Variants in SEMA6A observed in about 807,000 individuals in gnomAD.
The protein encoded by SEMA6A is semaphorin 6A.
A neutral mutation model predicts 96.8 loss-of-function variants in SEMA6A; 25 were observed. The ratio of observed to expected loss-of-function variants is 0.26; its 90% confidence interval spans 0.19 to 0.36. The LOEUF (loss-of-function observed/expected upper bound fraction) is 0.36. Ranked by LOEUF, SEMA6A falls within the 10% of genes least tolerant of loss-of-function variation. SEMA6A has a pLI of 1.00. For missense variants in SEMA6A, 1,363 were observed against 1,323.1 expected, an observed-to-expected ratio of 1.03 and a Z score of -0.47; for synonymous variants, 612 against 518.0, an observed-to-expected ratio of 1.18 and a Z score of -2.46.
intron 1 of SEMA6A, among the ~76,000 whole-genome samples, chr5:116,526,748 A>G (rs904730991): frequency 2.0e-5 from 3 of 152,188 alleles, no homozygotes; most frequent in Non-Finnish European, 4.4e-5. Context: ...GTGCTAGCTC[A>G]AAACTCCTGT....
Position 116,482,411 on chromosome 5 carries a change from G to T in SEMA6A, c.1094+33C>A. On this transcript the variant is annotated intron_variant, in intron 11 of 18. Coordinates refer to ENST00000343348, the MANE Select transcript of SEMA6A (RefSeq NM_020796.5). Reference sequence around the variant, plus strand: ...AGGTGCAAGCTTTGCCATTTCTAAAGTTTAAAATAGCCATATGAATATTTG... The same window carrying T: ...AGGTGCAAGCTTTGCCATTTCTAAATTTTAAAATAGCCATATGAATATTTG... 3.7e-6 allele frequency: 6 copies of T among 1,602,558 alleles called. No individual in the cohort carries two copies. The South Asian group carries it at 6.7e-5, about 18-fold the overall frequency.
intron 18 of SEMA6A, among the ~76,000 whole-genome samples, chr5:116,467,271 G>A (rs1236501385): frequency 3.3e-5 from 5 of 152,084 alleles, no homozygotes; most frequent in Non-Finnish European, 7.4e-5. Context: ...AAAAATCACA[G>A]AATGAGACTA....
intron 18 of SEMA6A, among the ~76,000 whole-genome samples, chr5:116,465,286 C>A (rs1285911031): frequency 6.6e-6 from 1 of 152,140 alleles, no homozygotes; most frequent in Non-Finnish European, 1.5e-5. Flanking sequence ...TAAGTCATAA[C>A]ACAGTGCTTG....
intron 17 of SEMA6A, chr5:116,469,631 T>G (rs1262223086): frequency 1.3e-5 from 2 of 152,234 alleles, no homozygotes; most frequent in Non-Finnish European, 2.9e-5. Flanking sequence ...CCTGAATTGA[T>G]ACGCATTTTG....
chr5:116,489,027 AGGTGAACAG>A lies in SEMA6A; in HGVS notation c.536-29_536-21del. On this transcript the variant is annotated intron_variant, in intron 7 of 18. Transcript: ENST00000343348. ...TTCCATCTTAGAAGAAAAAGAAAAG[AGGTGAACAG>A]GGTGGGAGCAAGTCAGTGGGGGTGG... 1.3e-6 allele frequency: 2 copies of A among 1,551,678 alleles called. No homozygotes were observed. Among genetic ancestry groups the A allele is most frequent in the Non-Finnish European group, 8.7e-7 (1 of 1,146,992 alleles).
intron 1 of SEMA6A, among the ~76,000 whole-genome samples, chr5:116,539,585 C>CTG (rs1485936228): frequency 7.4e-6 from 1 of 135,898 alleles, no homozygotes; most frequent in Non-Finnish European, 1.5e-5. Context: ...TTTAATAATT[C>CTG]TGTGCGTGTG....
chr5:116,496,332 A>C lies in SEMA6A; in HGVS notation c.280-19T>G. 1 of 1,610,950 alleles carries C rather than the reference A, an allele frequency of 6.2e-7. No individual in the cohort carries two copies. Among genetic ancestry groups the C allele is most frequent in the Non-Finnish European group, 8.5e-7 (1 of 1,177,456 alleles). ...TCAGTTTCTGCAGGGATCAAGAAAG[A>C]AATCAATTAGAGCCCAGAGGTTGTT... On this transcript the variant is annotated intron_variant, in intron 4 of 18. Coordinates refer to ENST00000343348, the MANE Select transcript of SEMA6A (RefSeq NM_020796.5).
intron 1 of SEMA6A, among the ~76,000 whole-genome samples, chr5:116,517,634 G>A (rs530360603): frequency 5.3e-5 from 8 of 152,238 alleles, no homozygotes; most frequent in East Asian, 3.9e-4. Flanking sequence ...ACAAAGGACC[G>A]ACAAGAACAG....
intron 1 of SEMA6A, among the ~76,000 whole-genome samples, chr5:116,516,492 T>C (rs1758675255): frequency 6.6e-6 from 1 of 152,136 alleles, no homozygotes; most frequent in Admixed American, 6.6e-5. Flanking sequence ...TATTTCAGGT[T>C]TTTTTTTCTG....
At chr5:116,568,605 T>C (rs145870727) in intron 1 of SEMA6A, among the ~76,000 whole-genome samples, 28 of 152,348 alleles carry the variant, frequency 1.8e-4, no homozygotes, top group African/African-American at 6.3e-4. Flanking sequence ...GGCTGTCTTC[T>C]TAGCTCTGTT....
Position 116,446,863 on chromosome 5 carries a change from G to A in SEMA6A, c.2843C>T (p.Ser948Phe). Residue 948 changes from serine (S) to phenylalanine (F), a missense_variant, in exon 19 of 19, where the codon TCC becomes TTC. Physicochemically the swap from Ser to Phe is radical, Grantham distance 155. Coordinates refer to ENST00000343348, the MANE Select transcript of SEMA6A (RefSeq NM_020796.5). The stretch of plus-strand genomic sequence containing the variant: ...TCCCCTGCCAAAGCTCTGGTTTCTG[G>A]AGAGGTGAGAGGAATTGGAGGAGTT... The part of the protein sequence containing the change: ...NTNSSNSSHL[S>F]RNQSFGRGDN... 1.2e-6 allele frequency: 2 copies of A among 1,614,014 alleles called. No homozygotes were observed. Among genetic ancestry groups the A allele is most frequent in the Non-Finnish European group, 1.7e-6 (2 of 1,179,910 alleles).
intron 1 of SEMA6A, among the ~76,000 whole-genome samples, chr5:116,529,366 T>C (rs1243533355): frequency 1.3e-5 from 2 of 152,138 alleles, no homozygotes; most frequent in Admixed American, 6.5e-5. Flanking sequence ...AACAACCTAT[T>C]GTATATTTTC....
rs765506606 is a variant in SEMA6A at position 116,486,780 on chromosome 5, C to T, written c.931G>A (p.Val311Ile). 3.1e-6 allele frequency: 5 copies of T among 1,613,784 alleles called. No individual in the cohort carries two copies. Among genetic ancestry groups the T allele is most frequent in the South Asian group, 2.2e-5 (2 of 91,084 alleles). Reference protein sequence around the residue: ...DVIRINGRDVVLATFSTPYNS... With the variant: ...DVIRINGRDVILATFSTPYNS... ...TAAGGTGTAGAAAACGTTGCCAGGA[C>T]AACATCACGCCCGTTGATACGAATC... Residue 311 changes from valine to isoleucine, a missense_variant, in exon 10 of 19, where the codon GTC becomes ATC. Coordinates refer to ENST00000343348, the MANE Select transcript of SEMA6A (RefSeq NM_020796.5).
chr5:116,572,279 T>C (rs1475551116), intron 1 of SEMA6A, among the ~76,000 whole-genome samples: 1 of 152,214 alleles, frequency 6.6e-6, no homozygotes, highest in Admixed American at 6.5e-5. Flanking sequence ...ACAGATCGCA[T>C]TCAGTAGCGT....
intron 18 of SEMA6A, among the ~76,000 whole-genome samples, chr5:116,450,724 TAAAGAGTGGCCTTA>T (rs1295440300): frequency 6.6e-6 from 1 of 152,276 alleles, no homozygotes; most frequent in East Asian, 1.9e-4. Flanking sequence ...TTTTGTTATA[TAAAGAGTGGCCTTA>T]AAAACATTTT....
chr5:116,542,590 T>G (rs79452134), intron 1 of SEMA6A, among the ~76,000 whole-genome samples: 4,483 of 152,240 alleles, frequency 0.029, 92 homozygotes, highest in Non-Finnish European at 0.046. Flanking sequence ...AAAACAAAAT[T>G]TAGAAACCCA....
In SEMA6A at chr5:116,505,065, G is replaced by A. The variant is rs943826853; in HGVS notation, c.-38-83C>T. 7.9e-5 allele frequency: 51 copies of A among 649,636 alleles called. 1 individual carries two copies. The highest frequency in any genetic ancestry group is 7.1e-4 in the South Asian group (33 of 46,498). 40.2% of individuals were successfully genotyped at this position (649,636 alleles called of 1,614,324 possible). A position where few individuals can be genotyped will look rare whatever the true frequency, so the allele number is the denominator to read the frequency against. ...ATGAAATACCCTGAAAGATAAATTC[G>A]AGAGAAAAAAAGGCTTCTGCTTTAC... On this transcript the variant is annotated intron_variant, in intron 1 of 18. Coordinates refer to ENST00000343348, the MANE Select transcript of SEMA6A (RefSeq NM_020796.5).
chr5:116,497,483 C>T (rs549495350), intron 3 of SEMA6A, 96 bp from the exon 4 acceptor site: 106 of 672,026 alleles, frequency 1.6e-4, no homozygotes, highest in Middle Eastern at 7.6e-4. Flanking sequence ...CAGATAAGCC[C>T]ATATCCATGT....
chr5:116,532,911 G>A (rs923089067), intron 1 of SEMA6A, among the ~76,000 whole-genome samples: 2 of 152,084 alleles, frequency 1.3e-5, no homozygotes, highest in African/African-American at 4.8e-5. Flanking sequence ...TCATTAACAG[G>A]GACACAGACA....
Sources: gnomAD v4.1 joint callset for allele counts (sites outside exome capture counted in the v4.1 genomes callset) on GRCh38, gnomAD v4.1.1 for gene constraint, MANE v1.5 for transcripts, NCBI Gene and HGNC (gene_info 2026-07-23, HGNC 2026-07-21) for gene names.